Variants in BDKRB2 observed in about 807,000 individuals in gnomAD.
BDKRB2 encodes the protein B2 bradykinin receptor.
BDKRB2 carries 6 observed loss-of-function variants against 4.0 expected under a neutral mutation model. The observed-to-expected ratio is 1.49, with a 90% confidence interval of 0.81 to 2.93. The LOEUF (loss-of-function observed/expected upper bound fraction) is 2.93, where lower values mean the gene tolerates loss of function less well. Among genes scored for constraint, BDKRB2 ranks in the 30% most tolerant of loss-of-function variants. The pLI is 0.00. For synonymous variants in BDKRB2, 225 were observed against 215.3 expected, an observed-to-expected ratio of 1.05 and a Z score of -0.40; for missense variants, 478 against 520.1, an observed-to-expected ratio of 0.92 and a Z score of 0.79.
In BDKRB2 at chr14:96,240,023, G is replaced by A. The variant is rs1005112498; in HGVS notation, c.75-380G>A. The A allele has an allele frequency of 7.9e-6, 8 of 1,010,804 alleles. No individual in the cohort carries two copies. The African/African-American group carries it at 1.4e-4, about 17-fold the overall frequency. 62.6% of individuals were successfully genotyped at this position (1,010,804 alleles called of 1,614,324 possible). ...ACCACACGGCTTTGAGAGGCTCAAAGGTGACCAACTCCCTTGGGAGGGCCC... is the reference window on the plus strand; with the variant it reads ...ACCACACGGCTTTGAGAGGCTCAAAAGTGACCAACTCCCTTGGGAGGGCCC... On this transcript the variant is annotated intron_variant, in intron 2 of 2. Transcript: ENST00000554311.
At chr14:96,235,263 G>C (rs1890904605) in intron 1 of BDKRB2, among the ~76,000 whole-genome samples, 1 of 145,806 alleles carries the variant, frequency 6.9e-6, no homozygotes, top group African/African-American at 2.6e-5. Flanking sequence ...CAGGAGAATC[G>C]CTTGAACCCG....
chr14:96,227,103 G>A (rs1001242543), intron 1 of BDKRB2, among the ~76,000 whole-genome samples: 10 of 152,144 alleles, frequency 6.6e-5, no homozygotes, highest in Admixed American at 3.3e-4. Flanking sequence ...TTCACCTCTC[G>A]AGGCCTCAGT....
intron 1 of BDKRB2, among the ~76,000 whole-genome samples, chr14:96,212,874 CCCCCATTCCATGG>C (rs1347875953): frequency 6.6e-6 from 1 of 152,202 alleles, no homozygotes; most frequent in Non-Finnish European, 1.5e-5. Flanking sequence ...AACGCCCCCT[CCCCCATTCCATGG>C]CCCCTGCCTG....
chr14:96,240,403 C>T lies in BDKRB2; in HGVS notation c.75C>T (p.Ser25=), dbSNP rs199739317. The T allele has an allele frequency of 1.7e-5, 25 of 1,434,568 alleles. No individual in the cohort carries two copies. Among genetic ancestry groups the T allele is most frequent in the South Asian group, 8.7e-5 (5 of 57,202 alleles). 88.9% of individuals were successfully genotyped at this position (1,434,568 alleles called of 1,614,324 possible). A position where few individuals can be genotyped will look rare whatever the true frequency, so the allele number is the denominator to read the frequency against. ...CAGCCTCTTTTCCACTTTCTTTCAGCGCCGACATGCTCAATGTCACCTTGC... is the reference window on the plus strand; with the variant it reads ...CAGCCTCTTTTCCACTTTCTTTCAGTGCCGACATGCTCAATGTCACCTTGC... The part of the protein sequence containing the change: ...EDSVPTTASF[S]ADMLNVTLQG... Residue 25 remains serine (S), a splice_region_variant and synonymous_variant, in exon 3 of 3, where the codon AGC becomes AGT. Coordinates refer to ENST00000554311, the MANE Select transcript of BDKRB2 (RefSeq NM_001379692.1).
At chr14:96,223,475 G>A in intron 1 of BDKRB2, 1 of 629,814 alleles carries the variant, frequency 1.6e-6, no homozygotes, top group South Asian at 1.8e-5. Context: ...TCAATACACT[G>A]TTTGAATGTG....
intron 1 of BDKRB2, among the ~76,000 whole-genome samples, chr14:96,223,625 GGAGGAA>G (rs1291419429): frequency 6.6e-6 from 1 of 152,094 alleles, no homozygotes; most frequent in Admixed American, 6.5e-5. Context: ...CTTGGCAGAT[GGAGGAA>G]GCATCTGAGT....
In BDKRB2 at chr14:96,235,205, A is replaced by G. The variant is rs567550739; in HGVS notation, c.-39-1864A>G. Among the ~76,000 whole-genome samples the G allele has an allele frequency of 5.3e-5, 8 of 152,066 alleles. No individual in the cohort carries two copies. In the East Asian group the frequency reaches 1.4e-3, roughly 26 times the overall value. The stretch of plus-strand genomic sequence containing the variant: ...TCTACCAAAAATACAAAAATTAGCC[A>G]GGCATGGTGGCAGGCACCTGTGATC... On this transcript the variant is annotated intron_variant, in intron 1 of 2. Transcript: ENST00000554311.
chr14:96,212,754 A>G (rs1890330283), intron 1 of BDKRB2, among the ~76,000 whole-genome samples: 1 of 152,174 alleles, frequency 6.6e-6, no homozygotes, highest in Non-Finnish European at 1.5e-5. Context: ...GCACCCCCAG[A>G]AAGGTCTCCT....
intron 1 of BDKRB2, among the ~76,000 whole-genome samples, chr14:96,207,383 T>C (rs1890211023): frequency 6.6e-6 from 1 of 151,964 alleles, no homozygotes; most frequent in African/African-American, 2.4e-5. Flanking sequence ...CAACTATATG[T>C]GACATTCTGG....
chr14:96,238,244 T>C, intron 2 of BDKRB2: 1 of 481,848 alleles, frequency 2.1e-6, no homozygotes, highest in Non-Finnish European at 2.7e-6. Flanking sequence ...TCCCCCCATG[T>C]GGCTGCTTGA....
intron 1 of BDKRB2, among the ~76,000 whole-genome samples, chr14:96,205,964 C>T (rs938646454): frequency 6.6e-6 from 1 of 152,146 alleles, no homozygotes; most frequent in Non-Finnish European, 1.5e-5. Context: ...AAGTGGGAGC[C>T]CTGGCCTGGG....
Position 96,241,649 on chromosome 14 carries a change from T to A in BDKRB2, c.*145T>A, listed in dbSNP as rs1243164289. 1 of 1,357,024 alleles carries A rather than the reference T, an allele frequency of 7.4e-7. No homozygotes were observed. The highest frequency in any genetic ancestry group is 1.5e-5 in the African/African-American group (1 of 68,382). 84.1% of individuals were successfully genotyped at this position (1,357,024 alleles called of 1,614,324 possible). On this transcript the variant is annotated 3_prime_UTR_variant, in exon 3 of 3. Transcript: ENST00000554311. ...CTCCGGTAAAACACCGGAGACTAAT[T>A]CCTGCCCTGCCCAATTTTGCAGGGA... is the stretch of plus-strand genomic sequence containing the variant.
At chr14:96,216,099 A>G (rs1319529106) in intron 1 of BDKRB2, among the ~76,000 whole-genome samples, 2 of 152,172 alleles carry the variant, frequency 1.3e-5, no homozygotes, top group African/African-American at 4.8e-5. Flanking sequence ...AATACCAAGG[A>G]AAGTAGGCAA....
At chr14:96,226,987 C>T (rs1427160436) in intron 1 of BDKRB2, among the ~76,000 whole-genome samples, 1 of 152,190 alleles carries the variant, frequency 6.6e-6, no homozygotes, top group Non-Finnish European at 1.5e-5. Flanking sequence ...ACCTGAGTCC[C>T]TCTAACCTGG....
At position 96,237,117 on chromosome 14, in the gene BDKRB2, C is replaced by T; in HGVS notation, c.10C>T (p.Pro4Ser). Residue 4 changes from proline to serine, a missense_variant, in exon 2 of 3, where the codon CCC becomes TCC. Transcript: ENST00000554311. ...CCCACTCTGAGTCCAAATGTTCTCT[C>T]CCTGGAAGATATCAATGTTTCTGTC... The part of the protein sequence containing the change: MFS[P>S]WKISMFLSVR... 2 of 1,613,936 alleles carry T rather than the reference C, an allele frequency of 1.2e-6. No individual in the cohort carries two copies. Among genetic ancestry groups the T allele is most frequent in the Non-Finnish European group, 8.5e-7 (1 of 1,179,806 alleles).
chr14:96,237,822 C>G (rs991408829), intron 2 of BDKRB2: 1 of 1,289,618 alleles, frequency 7.8e-7, no homozygotes, highest in Non-Finnish European at 1.0e-6. Flanking sequence ...TCTGATGATC[C>G]GATGGCTTCT....
intron 1 of BDKRB2, among the ~76,000 whole-genome samples, chr14:96,227,554 CACAA>C (rs944942317): frequency 2.8e-4 from 42 of 152,284 alleles, no homozygotes; most frequent in African/African-American, 6.5e-4. Flanking sequence ...CACGTGCACA[CACAA>C]ACACACACAT....
chr14:96,227,934 T>C (rs1387065616), intron 1 of BDKRB2, among the ~76,000 whole-genome samples: 2 of 152,204 alleles, frequency 1.3e-5, no homozygotes, highest in East Asian at 3.8e-4. Flanking sequence ...CTGCTGACTT[T>C]CCAGCAGCCC....
chr14:96,220,691 C>T (rs188883117), intron 1 of BDKRB2, among the ~76,000 whole-genome samples: 60 of 151,454 alleles, frequency 4.0e-4, no homozygotes, highest in Middle Eastern at 3.4e-3. Flanking sequence ...CTGAGGCCTC[C>T]GTTGTGCCTC....
Sources: allele counts gnomAD v4.1 joint callset (sites outside exome capture counted in the v4.1 genomes callset), GRCh38; gene constraint gnomAD v4.1.1; transcripts MANE v1.5; gene names NCBI Gene and HGNC (gene_info 2026-07-23, HGNC 2026-07-21).